Variants in CLSTN2 observed in about 807,000 individuals in gnomAD.
The protein encoded by CLSTN2 is calsyntenin-2.
Under a neutral mutation model 101.2 loss-of-function variants are expected in CLSTN2, and 48 were observed. The observed-to-expected ratio is 0.47, with a 90% CI of 0.38 to 0.60. CLSTN2 has a LOEUF of 0.60. Ranked by LOEUF, CLSTN2 falls within the 20% of genes least tolerant of loss-of-function variation. The pLI is 0.00. For missense variants in CLSTN2, 1,160 were observed against 1,238.2 expected, an observed-to-expected ratio of 0.94 and a Z score of 0.95; for synonymous variants, 481 against 463.6, an observed-to-expected ratio of 1.04 and a Z score of -0.48.
chr3:140,393,790 A>G (rs1207725815), intron 2 of CLSTN2, among the ~76,000 whole-genome samples: 1 of 152,178 alleles, frequency 6.6e-6, no homozygotes, highest in Non-Finnish European at 1.5e-5. Context: ...ACAGTGGGAA[A>G]ACAATTTATC....
intron 2 of CLSTN2, among the ~76,000 whole-genome samples, chr3:140,308,567 G>C (rs1193705542): frequency 6.6e-6 from 1 of 152,230 alleles, no homozygotes; most frequent in African/African-American, 2.4e-5. Context: ...GTGACTGACT[G>C]CAATTCTGAA....
intron 6 of CLSTN2, among the ~76,000 whole-genome samples, chr3:140,459,310 T>C (rs1374686993): frequency 6.6e-6 from 1 of 152,232 alleles, no homozygotes; most frequent in Non-Finnish European, 1.5e-5. Context: ...CACTTTTGTC[T>C]GTAAGTTACT....
chr3:140,254,919 G>C (rs2086592933), intron 2 of CLSTN2, among the ~76,000 whole-genome samples: 1 of 152,034 alleles, frequency 6.6e-6, no homozygotes, highest in Admixed American at 6.6e-5. Flanking sequence ...TCCAACAAAG[G>C]TGTAATATCC....
chr3:140,138,518 G>T (rs554192004), intron 1 of CLSTN2, among the ~76,000 whole-genome samples: 1 of 152,310 alleles, frequency 6.6e-6, no homozygotes, highest in African/African-American at 2.4e-5. Context: ...TAATAATGGG[G>T]CTGTGGAAAG....
intron 13 of CLSTN2, among the ~76,000 whole-genome samples, chr3:140,562,574 C>T (rs1032610849): frequency 6.6e-6 from 1 of 152,196 alleles, no homozygotes; most frequent in Admixed American, 6.5e-5. Context: ...TTGATCTCAA[C>T]AAATGTCACA....
At chr3:140,050,042 C>T (rs2007960670) in intron 1 of CLSTN2, among the ~76,000 whole-genome samples, 1 of 152,200 alleles carries the variant, frequency 6.6e-6, no homozygotes, top group Non-Finnish European at 1.5e-5. Context: ...TTGATAAAAT[C>T]TGTGTAACAG....
Position 140,562,144 on chromosome 3 carries a change from A to C in CLSTN2, c.2048A>C (p.Lys683Thr). 2 of 1,613,894 alleles carry C rather than the reference A, an allele frequency of 1.2e-6. No individual in the cohort carries two copies. Among genetic ancestry groups the C allele is most frequent in the South Asian group, 2.2e-5 (2 of 91,040 alleles). Residue 683 changes from lysine to threonine, a missense_variant, in exon 13 of 17, where the codon AAA becomes ACA. Lys to Thr is a moderately conservative substitution (Grantham distance 78). Transcript: ENST00000458420. The part of the protein sequence containing the change: ...APGDVKTTDP[K>T]SEVLEEMLHN... ...CATGTCTGTCTTCCTACAGACCCCA[A>C]ATCAGAAGTCTTAGAGGAAATGCTT...
At chr3:140,491,338 A>C in intron 8 of CLSTN2, among the ~76,000 whole-genome samples, 1 of 152,218 alleles carries the variant, frequency 6.6e-6, no homozygotes, top group East Asian at 1.9e-4. Flanking sequence ...ATGAGCACTT[A>C]AATGTTTCAG....
At chr3:140,212,417 A>G (rs976980782) in intron 2 of CLSTN2, among the ~76,000 whole-genome samples, 3 of 152,168 alleles carry the variant, frequency 2.0e-5, no homozygotes, top group Non-Finnish European at 4.4e-5. Context: ...TAATCTGCAT[A>G]TAGATAATTA....
intron 2 of CLSTN2, among the ~76,000 whole-genome samples, chr3:140,384,230 G>A (rs2088025763): frequency 6.6e-6 from 1 of 152,214 alleles, no homozygotes; most frequent in African/African-American, 2.4e-5. Context: ...ATGGCTCACA[G>A]CCCAGGGAGC....
At chr3:140,118,361 G>A (rs2009280370) in intron 1 of CLSTN2, among the ~76,000 whole-genome samples, 1 of 152,142 alleles carries the variant, frequency 6.6e-6, no homozygotes. Context: ...TGGGATATCT[G>A]GGCAAGGAGA....
chr3:140,337,467 A>T (rs1456518082), intron 2 of CLSTN2, among the ~76,000 whole-genome samples: 1 of 152,216 alleles, frequency 6.6e-6, no homozygotes, highest in African/African-American at 2.4e-5. Context: ...ATATTGGAAT[A>T]GGGCCCACCC....
At chr3:140,337,735 TA>T (rs1423209208) in intron 2 of CLSTN2, among the ~76,000 whole-genome samples, 1 of 152,194 alleles carries the variant, frequency 6.6e-6, no homozygotes, top group Non-Finnish European at 1.5e-5. Flanking sequence ...GGTTCTCAAC[TA>T]AAGCATCTCT....
chr3:139,952,305 G>T (rs1337440917), intron 1 of CLSTN2, among the ~76,000 whole-genome samples: 1 of 152,122 alleles, frequency 6.6e-6, no homozygotes, highest in African/African-American at 2.4e-5. Flanking sequence ...TGGATGATGG[G>T]CTATGAATTT....
At chr3:140,460,229 A>T (rs1933525456) in intron 7 of CLSTN2, 1 of 178,666 alleles carries the variant, frequency 5.6e-6, no homozygotes, top group Non-Finnish European at 1.2e-5. Flanking sequence ...AAAACCTCTG[A>T]CATATATAGT....
At chr3:140,241,280 G>A (rs61235545) in intron 2 of CLSTN2, among the ~76,000 whole-genome samples, 5,518 of 152,196 alleles carry the variant, frequency 0.036, 314 homozygotes, top group African/African-American at 0.12. Flanking sequence ...AGCAGTGACT[G>A]CTAGGAATGT....
chr3:140,028,628 G>A (rs953677107), intron 1 of CLSTN2, among the ~76,000 whole-genome samples: 1 of 152,192 alleles, frequency 6.6e-6, no homozygotes, highest in Non-Finnish European at 1.5e-5. Context: ...AGAATGGGCT[G>A]AGTGCCAGCC....
At chr3:140,522,303 G>A (rs1216580154) in intron 8 of CLSTN2, among the ~76,000 whole-genome samples, 2 of 152,210 alleles carry the variant, frequency 1.3e-5, no homozygotes, top group African/African-American at 4.8e-5. Flanking sequence ...GAGTGCCACA[G>A]ACCGCAGCTG....
intron 8 of CLSTN2, among the ~76,000 whole-genome samples, chr3:140,525,345 A>G (rs533594233): frequency 3.3e-4 from 51 of 152,302 alleles, no homozygotes; most frequent in Admixed American, 2.0e-4. Flanking sequence ...AAATCTAGAG[A>G]AAGTGGATAC....
Sources: gnomAD v4.1 joint callset for allele counts (sites outside exome capture counted in the v4.1 genomes callset) on GRCh38, gnomAD v4.1.1 for gene constraint, MANE v1.5 for transcripts, NCBI Gene and HGNC (gene_info 2026-07-23, HGNC 2026-07-21) for gene names.